Variants in GLYATL3 observed in about 807,000 individuals in gnomAD.
GLYATL3 encodes the protein glycine-N-acyltransferase like 3, also known as glycine N-acyltransferase-like protein 3.
Under a neutral mutation model 28.5 loss-of-function variants are expected in GLYATL3, and 31 were observed. That is an observed-to-expected ratio of 1.09 (90% CI 0.82 to 1.47). The LOEUF is 1.47. GLYATL3 is among the 40% of genes most tolerant of loss of function. The probability of loss-of-function intolerance (pLI) is 0.00; values close to 1 mark genes in which losing one functional copy is unlikely to be tolerated. For missense variants in GLYATL3, 369 were observed against 351.5 expected (o/e 1.05, Z -0.40); for synonymous variants, 141 against 140.2 (o/e 1.01, Z -0.04).
At chr6:49,518,851 G>C (rs1033666776) in intron 4 of GLYATL3, among the ~76,000 whole-genome samples, 2 of 152,008 alleles carry the variant, frequency 1.3e-5, no homozygotes, top group Non-Finnish European at 1.5e-5. Context: ...TGAGGCAGGA[G>C]AATGGCGTGA....
chr6:49,502,474 A>G (rs886203308), intron 1 of GLYATL3, among the ~76,000 whole-genome samples: 1 of 152,354 alleles, frequency 6.6e-6, no homozygotes, highest in African/African-American at 2.4e-5. Context: ...CCAATTGTGA[A>G]CAGACTCATT....
intron 5 of GLYATL3, among the ~76,000 whole-genome samples, chr6:49,523,617 G>T (rs906707540): frequency 2.0e-5 from 3 of 152,166 alleles, no homozygotes; most frequent in Non-Finnish European, 4.4e-5. Context: ...AAGGGCGATG[G>T]CCTCAAGCCT....
chr6:49,509,944 CTTTCTCTTTCTTTCTTTCTTTCTT>C (rs879400169), intron 1 of GLYATL3, among the ~76,000 whole-genome samples: 100 of 55,072 alleles, frequency 1.8e-3, no homozygotes, highest in Non-Finnish European at 3.8e-3. Flanking sequence ...TACGTATTTT[CTTTCTCTTTCTTTCTTTCTTTCTT>C]TCTTTCTTTC....
At chr6:49,517,017 G>T (rs1160426654) in intron 3 of GLYATL3, among the ~76,000 whole-genome samples, 1 of 151,136 alleles carries the variant, frequency 6.6e-6, no homozygotes, top group Non-Finnish European at 1.5e-5. Flanking sequence ...ATAGCTGGGT[G>T]TGGTGGCGTG....
intron 4 of GLYATL3, among the ~76,000 whole-genome samples, chr6:49,518,667 G>A (rs1287015500): frequency 1.3e-5 from 2 of 152,124 alleles, no homozygotes; most frequent in Non-Finnish European, 2.9e-5. Flanking sequence ...GTAGTCAGGT[G>A]CGGTGGCTCA....
At chr6:49,510,757 C>G (rs897036314) in intron 1 of GLYATL3, among the ~76,000 whole-genome samples, 2 of 152,116 alleles carry the variant, frequency 1.3e-5, no homozygotes, top group Non-Finnish European at 2.9e-5. Context: ...TCAAAAGCCT[C>G]TTAATGTTCG....
chr6:49,519,500 G>T (rs925190504), intron 4 of GLYATL3, among the ~76,000 whole-genome samples: 1 of 152,148 alleles, frequency 6.6e-6, no homozygotes, highest in African/African-American at 2.4e-5. Context: ...CTTCTAAGAA[G>T]TCATTGGTAT....
rs1480615 is a variant in GLYATL3, at chr6:49,512,062, A to T, written c.72A>T (p.Ser24=). The change falls in exon 2 of 6, where the codon TCA becomes TCT. Residue 24 remains serine (S), a synonymous_variant. Transcript: ENST00000371197. ...EKMLKSCFPE[S]LKVYGAVMNI... ...TGTTGAAGAGTTGCTTTCCTGAATC[A>T]CTCAAGGTACCATAAAATTAATAAT... 0.59 allele frequency: 726,348 copies of T among 1,238,996 alleles called. 220,016 individuals carry two copies. The highest frequency in any genetic ancestry group is 0.63 in the Non-Finnish European group (550,489 of 868,410). The allele number at this position is 1,238,996 out of a possible 1,614,324, so 76.8% of individuals were successfully genotyped here. A position where few individuals can be genotyped will look rare whatever the true frequency, so the allele number is the denominator to read the frequency against.
At chr6:49,522,084 A>G (rs566915604) in intron 5 of GLYATL3, among the ~76,000 whole-genome samples, 1 of 152,308 alleles carries the variant, frequency 6.6e-6, no homozygotes, top group African/African-American at 2.4e-5. Flanking sequence ...CCCTCAAATA[A>G]TTCTAAATAA....
chr6:49,511,146 T>C (rs1769115152), intron 1 of GLYATL3, among the ~76,000 whole-genome samples: 1 of 152,174 alleles, frequency 6.6e-6, no homozygotes, highest in Non-Finnish European at 1.5e-5. Context: ...CTCTGCTACA[T>C]TGAATGTAGG....
At chr6:49,507,563 G>C (rs983282949) in intron 1 of GLYATL3, among the ~76,000 whole-genome samples, 1 of 152,112 alleles carries the variant, frequency 6.6e-6, no homozygotes. Context: ...CTGAAAAGAG[G>C]GGAGAGTTGG....
At chr6:49,526,198 G>A (rs1442594335) in intron 5 of GLYATL3, among the ~76,000 whole-genome samples, 1 of 152,032 alleles carries the variant, frequency 6.6e-6, no homozygotes, top group African/African-American at 2.4e-5. Flanking sequence ...GGTGAATCAC[G>A]AGGTCAGGAG....
intron 1 of GLYATL3, among the ~76,000 whole-genome samples, chr6:49,501,033 T>A (rs775073108): frequency 2.6e-5 from 4 of 152,216 alleles, no homozygotes; most frequent in Non-Finnish European, 5.9e-5. Flanking sequence ...TTTGTCACCC[T>A]GAGTAATTTG....
chr6:49,502,938 G>T (rs115353493), intron 1 of GLYATL3, among the ~76,000 whole-genome samples: 1 of 152,166 alleles, frequency 6.6e-6, no homozygotes, highest in Admixed American at 6.5e-5. Flanking sequence ...ATTAAAGGAT[G>T]AGTCAATCCA....
chr6:49,521,897 A>ATACTCCCGTTTGTGCTC, intron 5 of GLYATL3, 126 bp downstream of exon 5: 1 of 768,152 alleles, frequency 1.3e-6, no homozygotes, highest in Non-Finnish European at 2.1e-6. Flanking sequence ...CATTGAGCAC[A>ATACTCCCGTTTGTGCTC]AACGGGAGTA....
chr6:49,518,529 T>A (rs1325329543), intron 4 of GLYATL3, among the ~76,000 whole-genome samples: 1 of 152,140 alleles, frequency 6.6e-6, no homozygotes, highest in Non-Finnish European at 1.5e-5. Flanking sequence ...AGTCTAGTAT[T>A]TTTTTTCAAC....
At chr6:49,523,247 A>T (rs550216268) in intron 5 of GLYATL3, among the ~76,000 whole-genome samples, 4 of 152,222 alleles carry the variant, frequency 2.6e-5, no homozygotes, top group Non-Finnish European at 5.9e-5. Flanking sequence ...TCCCTAAGCA[A>T]TGACCTGTAA....
At position 49,517,430 on chromosome 6, in the gene GLYATL3, G is replaced by T. The variant is rs544088659; in HGVS notation, c.187G>T (p.Ala63Ser). Residue 63 changes from alanine to serine, a missense_variant and splice_region_variant, in exon 4 of 6, where the codon GCT becomes TCT. Physicochemically the swap from Ala to Ser is moderately conservative, Grantham distance 99. Coordinates refer to ENST00000371197, the MANE Select transcript of GLYATL3 (RefSeq NM_001010904.2). ...KAVITRRQRE[A>S]ETDNLDHYTN... Reference sequence around the variant, plus strand: ...TTTGTGATTATGTCTTCTGTCCTAGGCTGAGACAGATAACCTTGATCATTA... The same window carrying T: ...TTTGTGATTATGTCTTCTGTCCTAGTCTGAGACAGATAACCTTGATCATTA... The T allele has an allele frequency of 5.2e-5, 80 of 1,538,208 alleles. 1 individual carries two copies. The South Asian group carries it at 9.6e-4, about 18-fold the overall frequency.
chr6:49,517,478 T>C lies in GLYATL3; in HGVS notation c.235T>C (p.Tyr79His). ...TTATACTAATGCCTATGCTGTGTTCTACAAGGATGTCAGGGCTTATCGACA... is the reference window on the plus strand; with the variant it reads ...TTATACTAATGCCTATGCTGTGTTCCACAAGGATGTCAGGGCTTATCGACA... ...DHYTNAYAVF[Y>H]KDVRAYRQLL... Residue 79 changes from tyrosine (Y) to histidine (H), a missense_variant, in exon 4 of 6, where the codon TAC becomes CAC. By Grantham distance (83) the Tyr-to-His change is moderately conservative. Coordinates refer to ENST00000371197, the MANE Select transcript of GLYATL3 (RefSeq NM_001010904.2). The C allele has an allele frequency of 6.5e-7, 1 of 1,550,256 alleles. No homozygotes were observed. The highest frequency in any genetic ancestry group is 8.7e-7 in the Non-Finnish European group (1 of 1,145,786).
Sources: gnomAD v4.1 joint callset for allele counts (sites outside exome capture counted in the v4.1 genomes callset) on GRCh38, gnomAD v4.1.1 for gene constraint, MANE v1.5 for transcripts, NCBI Gene and HGNC (gene_info 2026-07-23, HGNC 2026-07-21) for gene names.